THRSP: variants seen among roughly 807,000 people sequenced by gnomAD.
THRSP encodes thyroid hormone responsive.
THRSP carries 9 observed loss-of-function variants against 11.1 expected under a neutral mutation model. The ratio of observed to expected loss-of-function variants is 0.81; its 90% confidence interval spans 0.49 to 1.42. The LOEUF is 1.42. Among genes scored for constraint, THRSP ranks in the 40% most tolerant of loss-of-function variants. The probability of loss-of-function intolerance (pLI) is 0.00; values close to 1 mark genes in which losing one functional copy is unlikely to be tolerated. For synonymous variants in THRSP, 73 were observed against 78.1 expected (o/e 0.94, Z 0.34); for missense variants, 177 against 188.2 (o/e 0.94, Z 0.35).
At position 78,064,109 on chromosome 11, in the gene THRSP, G is replaced by A. The variant is rs139035297; in HGVS notation, c.228G>A (p.Pro76=). The A allele has an allele frequency of 1.2e-3, 1,909 of 1,614,140 alleles. 15 individuals carry two copies. In the African/African-American group the frequency reaches 0.021, roughly 18 times the overall value. Residue 76 remains proline (P), a synonymous_variant, in exon 1 of 2, where the codon CCG becomes CCA. Transcript: ENST00000281030. ...TGGATGTGGACCATGGGCTGCTGCC[G>A]CGGGAGGAGTGGCAGGCCAAGGTGG... ...ICVDVDHGLL[P]REEWQAKVAG... is the part of the protein sequence containing the mutation.
At chr11:78,065,516 G>A (rs554256239) in intron 1 of THRSP, among the ~76,000 whole-genome samples, 1 of 152,278 alleles carries the variant, frequency 6.6e-6, no homozygotes, top group Admixed American at 6.5e-5. Flanking sequence ...CCACCTGCCA[G>A]CCCTGCTCCC....
intron 1 of THRSP, among the ~76,000 whole-genome samples, chr11:78,064,557 T>C (rs914916714): frequency 2.0e-5 from 3 of 152,142 alleles, no homozygotes; most frequent in African/African-American, 7.2e-5. Context: ...TGAAGTGATA[T>C]GGAAACAGAG....
rs191536271 is a variant in THRSP, at chr11:78,066,584, C to T, written c.*20-1075C>T. ...GCCTAATTAGTCTAATTCTTTTCCT[C>T]TACAGTGGTATTCCTTAGAGCCTTA... On this transcript the variant is annotated intron_variant, in intron 1 of 1. Transcript: ENST00000281030. Among the ~76,000 whole-genome samples, 98 of 152,308 alleles carry T rather than the reference C, an allele frequency of 6.4e-4. 1 individual carries two copies. In the East Asian group the frequency reaches 0.016, roughly 25 times the overall value.
In THRSP at chr11:78,064,138, G is replaced by C. The variant is rs1273892777; in HGVS notation, c.257G>C (p.Gly86Ala). The change falls in exon 1 of 2, where the codon GGC becomes GCC. Residue 86 changes from glycine (G) to alanine (A), a missense_variant. By Grantham distance (60) the Gly-to-Ala change is moderately conservative (BLOSUM62 0). Coordinates refer to ENST00000281030, the MANE Select transcript of THRSP (RefSeq NM_003251.4). ...GAGGAGTGGCAGGCCAAGGTGGCAG[G>C]CAGCGAAGAGAATGGAACCGCAGAG... ...PREEWQAKVA[G>A]SEENGTAETE... is the part of the protein sequence containing the mutation. 1.2e-6 allele frequency: 2 copies of C among 1,614,054 alleles called. No homozygotes were observed. The highest frequency in any genetic ancestry group is 1.7e-6 in the Non-Finnish European group (2 of 1,180,042).
At position 78,064,182 on chromosome 11, in the gene THRSP, G is replaced by A. The variant is rs774885685; in HGVS notation, c.301G>A (p.Glu101Lys). ...GTAETEEVED[E>K]SASGELDLEA... is the part of the protein sequence containing the mutation. Reference sequence around the variant, plus strand: ...CGCAGAGACAGAGGAAGTCGAGGACGAGAGTGCCTCAGGAGAGCTGGACCT... The same window carrying A: ...CGCAGAGACAGAGGAAGTCGAGGACAAGAGTGCCTCAGGAGAGCTGGACCT... Residue 101 changes from glutamate (E) to lysine (K), a missense_variant, in exon 1 of 2, where the codon GAG (glutamate) becomes AAG (lysine). Physicochemically the swap from Glu to Lys is moderately conservative, Grantham distance 56. Coordinates refer to ENST00000281030, the MANE Select transcript of THRSP (RefSeq NM_003251.4). 18 of 1,614,044 alleles carry A rather than the reference G, an allele frequency of 1.1e-5. No individual in the cohort carries two copies. The highest frequency in any genetic ancestry group is 9.3e-5 in the African/African-American group (7 of 74,908).
intron 1 of THRSP, among the ~76,000 whole-genome samples, chr11:78,066,443 G>A (rs1233093554): frequency 6.6e-6 from 1 of 152,210 alleles, no homozygotes; most frequent in Non-Finnish European, 1.5e-5. Flanking sequence ...GGGATTACAG[G>A]CATGAGCCAC....
At chr11:78,065,210 C>T (rs1370779587) in intron 1 of THRSP, among the ~76,000 whole-genome samples, 2 of 152,086 alleles carry the variant, frequency 1.3e-5, no homozygotes, top group Non-Finnish European at 2.9e-5. Flanking sequence ...AACGGGAAGC[C>T]GAGGGACCAG....
Position 78,064,195 on chromosome 11 carries a change from G to T in THRSP, c.314G>T (p.Gly105Val). 2 of 1,614,190 alleles carry T rather than the reference G, an allele frequency of 1.2e-6. No homozygotes were observed. The highest frequency in any genetic ancestry group is 1.7e-6 in the Non-Finnish European group (2 of 1,180,034). ...TEEVEDESAS[G>V]ELDLEAQFHL... is the part of the protein sequence containing the mutation. ...GAAGTCGAGGACGAGAGTGCCTCAG[G>T]AGAGCTGGACCTGGAAGCCCAGTTC... Residue 105 changes from glycine (G) to valine (V), a missense_variant, in exon 1 of 2, where the codon GGA (glycine) becomes GTA (valine). Physicochemically the swap from Gly to Val is moderately radical, Grantham distance 109 (BLOSUM62 -3). Coordinates refer to ENST00000281030, the MANE Select transcript of THRSP (RefSeq NM_003251.4).
In THRSP at chr11:78,063,955, A is replaced by G; in HGVS notation, c.74A>G (p.His25Arg). The change falls in exon 1 of 2, where the codon CAC becomes CGC. Residue 25 changes from histidine (H) to arginine (R), a missense_variant. Coordinates refer to ENST00000281030, the MANE Select transcript of THRSP (RefSeq NM_003251.4). ...ATGGACCGGTATGCAGCCGAGGTGC[A>G]CAACATGGAGCAGGTGGTGATGATC... ...TVMDRYAAEVHNMEQVVMIPS... is the reference protein window; with the variant it reads ...TVMDRYAAEVRNMEQVVMIPS... The G allele has an allele frequency of 6.2e-7, 1 of 1,613,608 alleles. No homozygotes were observed.
rs1232998499 is a variant in THRSP at position 78,064,766 on chromosome 11, G to A, written c.*19+425G>A. On this transcript the variant is annotated intron_variant, in intron 1 of 1. Coordinates refer to ENST00000281030, the MANE Select transcript of THRSP (RefSeq NM_003251.4). ...GCACTTTGGGAGGCCGAGGCGGGCG[G>A]ATCATGAGGCCAGGAGATTGAGACC... Among the ~76,000 whole-genome samples the A allele has an allele frequency of 4.6e-5, 7 of 152,200 alleles. No individual in the cohort carries two copies. The East Asian group carries it at 1.4e-3, about 29-fold the overall frequency.
chr11:78,067,118 C>A (rs921117309), intron 1 of THRSP, among the ~76,000 whole-genome samples: 2 of 117,784 alleles, frequency 1.7e-5, no homozygotes, highest in Non-Finnish European at 3.4e-5. Flanking sequence ...AGCCACCGCA[C>A]CCAACCTTTT....
rs927669526 is a variant in THRSP, at chr11:78,064,212, GC to G, written c.334del (p.Gln112SerfsTer23). On this transcript the variant is annotated frameshift_variant, in exon 1 of 2. Coordinates refer to ENST00000281030, the MANE Select transcript of THRSP (RefSeq NM_003251.4). LOFTEE classifies it high-confidence loss of function. ...TGCCTCAGGAGAGCTGGACCTGGAA[GC>G]CCAGTTCCACCTGCACTTCTCCAGC... ...ESASGELDLE[A>X]QFHLHFSSLH... 6.2e-7 allele frequency: 1 copy of G among 1,614,168 alleles called. No homozygotes were observed. The highest frequency in any genetic ancestry group is 1.7e-5 in the Admixed American group (1 of 60,014).
intron 1 of THRSP, 31 bp downstream of exon 1, chr11:78,064,372 C>G (rs1289374489): frequency 6.5e-7 from 1 of 1,542,442 alleles, no homozygotes; most frequent in Admixed American, 1.9e-5. Flanking sequence ...GGGTGTGAGT[C>G]TACAAAGGGA....
chr11:78,067,686 CTT>C lies in THRSP; in HGVS notation c.*49_*50del, dbSNP rs1412599329. On this transcript the variant is annotated 3_prime_UTR_variant, in exon 2 of 2. Coordinates refer to ENST00000281030, the MANE Select transcript of THRSP (RefSeq NM_003251.4). The stretch of plus-strand genomic sequence containing the variant: ...CCCTTCACATGATAGAAGACAGACT[CTT>C]TGATGAGGTCGGCGGAGCAGTTCAC... 2.0e-5 allele frequency: 3 copies of C among 152,206 alleles called. No individual in the cohort carries two copies. Among genetic ancestry groups the C allele is most frequent in the African/African-American group, 7.2e-5 (3 of 41,460 alleles). 9.4% of individuals were successfully genotyped at this position (152,206 alleles called of 1,614,324 possible). A position where few individuals can be genotyped will look rare whatever the true frequency, so the allele number is the denominator to read the frequency against.
intron 1 of THRSP, among the ~76,000 whole-genome samples, chr11:78,065,526 C>A (rs1858712058): frequency 6.6e-6 from 1 of 152,180 alleles, no homozygotes; most frequent in African/African-American, 2.4e-5. Context: ...GCCCTGCTCC[C>A]ACAAACTGGT....
chr11:78,066,192 G>A (rs939282350), intron 1 of THRSP, among the ~76,000 whole-genome samples: 10 of 151,684 alleles, frequency 6.6e-5, no homozygotes, highest in Non-Finnish European at 8.8e-5. Context: ...ATTTTGAGAC[G>A]GAGTCTCACC....
intron 1 of THRSP, among the ~76,000 whole-genome samples, chr11:78,066,897 G>A (rs542304009): frequency 6.6e-6 from 1 of 152,052 alleles, no homozygotes; most frequent in Non-Finnish European, 1.5e-5. Context: ...CGCGATCTCA[G>A]CTCACTGCAA....
At chr11:78,066,461 A>G (rs1477618268) in intron 1 of THRSP, among the ~76,000 whole-genome samples, 1 of 152,168 alleles carries the variant, frequency 6.6e-6, no homozygotes, top group East Asian at 1.9e-4. Context: ...CACCGCGCCC[A>G]GCCTATCATT....
At position 78,063,911 on chromosome 11, in the gene THRSP, G is replaced by A; in HGVS notation, c.30G>A (p.Lys10=). 6.3e-7 allele frequency: 1 copy of A among 1,593,450 alleles called. No individual in the cohort carries two copies. Among genetic ancestry groups the A allele is most frequent in the Non-Finnish European group, 8.5e-7 (1 of 1,170,100 alleles). ...AGGTGCTAACCAAGCGTTACCCCAA[G>A]AACTGCCTGCTGACCGTCATGGACC... MQVLTKRYP[K]NCLLTVMDRY... The change falls in exon 1 of 2, where the codon AAG becomes AAA. Residue 10 remains lysine (K), a synonymous_variant. Transcript: ENST00000281030.
Sources: gnomAD v4.1 joint callset for allele counts (sites outside exome capture counted in the v4.1 genomes callset) on GRCh38, gnomAD v4.1.1 for gene constraint, MANE v1.5 for transcripts, NCBI Gene and HGNC (gene_info 2026-07-23, HGNC 2026-07-21) for gene names.